GPC5: variants seen among roughly 807,000 people sequenced by gnomAD.
The protein encoded by GPC5 is glypican-5.
A neutral mutation model predicts 53.9 loss-of-function variants in GPC5; 47 were observed. That is an observed-to-expected ratio of 0.87 (90% CI 0.69 to 1.11). The LOEUF (loss-of-function observed/expected upper bound fraction) is 1.11. Ranked by LOEUF, GPC5 falls within the 50% of genes most tolerant of loss-of-function variation. GPC5 has a pLI of 0.00. For missense variants in GPC5, 748 were observed against 713.1 expected (o/e 1.05, Z -0.56); for synonymous variants, 286 against 263.3 (o/e 1.09, Z -0.84).
rs140335076 is a variant in GPC5 at position 92,713,930 on chromosome 13, T to A, written c.1562-152352T>A. Among the ~76,000 whole-genome samples, 304 of 152,282 alleles carry A rather than the reference T, an allele frequency of 2.0e-3. 1 individual carries two copies. Among genetic ancestry groups the A allele is most frequent in the African/African-American group, 7.0e-3 (291 of 41,566 alleles). ...ACAGAAATAGCTGTAACAGACTTTG[T>A]TCCCATAGTTCACCAAGCAATTCCA... On this transcript the variant is annotated intron_variant, in intron 7 of 7. Transcript: ENST00000377067.
At chr13:92,446,126 A>G (rs139427377) in intron 7 of GPC5, among the ~76,000 whole-genome samples, 4 of 152,126 alleles carry the variant, frequency 2.6e-5, no homozygotes, top group South Asian at 4.2e-4. Context: ...TTTAAAATGT[A>G]CAATTAAATT....
chr13:92,808,541 G>A (rs1329433148), intron 7 of GPC5, among the ~76,000 whole-genome samples: 1 of 151,948 alleles, frequency 6.6e-6, no homozygotes, highest in Non-Finnish European at 1.5e-5. Flanking sequence ...TAATTATAAA[G>A]GGTCTCAAAT....
rs995131596 is a variant in GPC5 at position 91,701,667 on chromosome 13, A to G, written c.1020+7786A>G. Reference sequence around the variant, plus strand: ...TGGCTGTGCAGAATCATATGTATATATCTCACATCTGCTTTATCTATTCAT... The same window carrying G: ...TGGCTGTGCAGAATCATATGTATATGTCTCACATCTGCTTTATCTATTCAT... On this transcript the variant is annotated intron_variant, in intron 3 of 7. Transcript: ENST00000377067. 2.6e-5 allele frequency among the ~76,000 whole-genome samples: 4 copies of G among 152,076 alleles called. No homozygotes were observed. The South Asian group carries it at 8.3e-4, about 32-fold the overall frequency.
chr13:92,652,554 G>T (rs1885991850), intron 7 of GPC5, among the ~76,000 whole-genome samples: 1 of 152,022 alleles, frequency 6.6e-6, no homozygotes, highest in Admixed American at 6.5e-5. Context: ...TCCTGACCGT[G>T]GTGGACAGGG....
chr13:92,206,978 G>A (rs1374210586), intron 7 of GPC5, among the ~76,000 whole-genome samples: 1 of 152,092 alleles, frequency 6.6e-6, no homozygotes, highest in Non-Finnish European at 1.5e-5. Context: ...CTTTTGCTAT[G>A]AGCCTCTCTT....
At chr13:92,664,353 G>A (rs1820139804) in intron 7 of GPC5, among the ~76,000 whole-genome samples, 1 of 107,752 alleles carries the variant, frequency 9.3e-6, no homozygotes, top group South Asian at 3.7e-4. Flanking sequence ...AAATCCAATA[G>A]ATTTTTTTTT....
At chr13:91,952,097 A>G (rs1271173278) in intron 6 of GPC5, among the ~76,000 whole-genome samples, 1 of 152,048 alleles carries the variant, frequency 6.6e-6, no homozygotes, top group African/African-American at 2.4e-5. Context: ...AATGTCTCTT[A>G]TTTGGTATAT....
At chr13:92,544,624 G>C (rs1373791446) in intron 7 of GPC5, among the ~76,000 whole-genome samples, 1 of 152,080 alleles carries the variant, frequency 6.6e-6, no homozygotes, top group Non-Finnish European at 1.5e-5. Flanking sequence ...CCATGAAGCA[G>C]CTGGCTCTTC....
chr13:91,601,551 G>A (rs2139237362), intron 2 of GPC5, among the ~76,000 whole-genome samples: 1 of 152,264 alleles, frequency 6.6e-6, no homozygotes, highest in East Asian at 1.9e-4. Context: ...TGTGTTTACA[G>A]CTGCTCCCCA....
At chr13:92,589,392 G>T (rs1438173571) in intron 7 of GPC5, among the ~76,000 whole-genome samples, 1 of 152,078 alleles carries the variant, frequency 6.6e-6, no homozygotes, top group Non-Finnish European at 1.5e-5. Flanking sequence ...CATCCCTGAG[G>T]CTAGAGACAA....
chr13:92,130,396 T>C (rs1419191232), intron 6 of GPC5, among the ~76,000 whole-genome samples: 3 of 150,414 alleles, frequency 2.0e-5, no homozygotes, highest in African/African-American at 4.9e-5. Context: ...TCTGAGTAAG[T>C]TCTGTATCTG....
chr13:91,908,263 A>G (rs2138998450), intron 6 of GPC5, among the ~76,000 whole-genome samples: 1 of 152,232 alleles, frequency 6.6e-6, no homozygotes, highest in Non-Finnish European at 1.5e-5. Context: ...ATACTGGACA[A>G]TCTGTATCTG....
intron 3 of GPC5, among the ~76,000 whole-genome samples, chr13:91,720,939 C>T (rs146967272): frequency 0.019 from 2,826 of 152,186 alleles, 46 homozygotes; most frequent in Non-Finnish European, 0.022. Context: ...GATCTTCCAA[C>T]TGGATCTCAG....
chr13:92,638,786 C>A (rs1338285525), intron 7 of GPC5, among the ~76,000 whole-genome samples: 1 of 152,162 alleles, frequency 6.6e-6, no homozygotes, highest in Non-Finnish European at 1.5e-5. Context: ...CTCGTCAACT[C>A]AGGGGAAGGA....
At chr13:91,457,120 A>T (rs1465333327) in intron 2 of GPC5, among the ~76,000 whole-genome samples, 1 of 152,046 alleles carries the variant, frequency 6.6e-6, no homozygotes, top group African/African-American at 2.4e-5. Context: ...ATGTATCTTG[A>T]TGTATTACAT....
chr13:91,533,464 A>G (rs1886445773), intron 2 of GPC5, among the ~76,000 whole-genome samples: 1 of 152,222 alleles, frequency 6.6e-6, no homozygotes. Flanking sequence ...CTGAGTGCTC[A>G]TCTTTGAACT....
At chr13:92,312,217 A>G (rs977309439) in intron 7 of GPC5, among the ~76,000 whole-genome samples, 2 of 152,174 alleles carry the variant, frequency 1.3e-5, no homozygotes, top group Non-Finnish European at 2.9e-5. Context: ...GCCTTTCTTC[A>G]ACTCCTCTTT....
intron 4 of GPC5, among the ~76,000 whole-genome samples, chr13:91,741,898 C>A (rs1265379089): frequency 6.6e-6 from 1 of 152,070 alleles, no homozygotes; most frequent in Non-Finnish European, 1.5e-5. Flanking sequence ...AAGCAGTTTA[C>A]AATCTATTTC....
At chr13:91,968,049 A>G (rs2040197290) in intron 6 of GPC5, among the ~76,000 whole-genome samples, 1 of 152,072 alleles carries the variant, frequency 6.6e-6, no homozygotes, top group Non-Finnish European at 1.5e-5. Context: ...TATCCCTAGT[A>G]ATGATATTAA....
Sources: allele counts gnomAD v4.1 joint callset (sites outside exome capture counted in the v4.1 genomes callset), GRCh38; gene constraint gnomAD v4.1.1; transcripts MANE v1.5; gene names NCBI Gene and HGNC (gene_info 2026-07-23, HGNC 2026-07-21).